Variants in CTNND2 observed in about 807,000 individuals in gnomAD.
The protein encoded by CTNND2 is catenin delta 2, also known as catenin delta-2.
In CTNND2, 22 loss-of-function variants were observed where a neutral mutation model predicts 144.4. That is an observed-to-expected ratio of 0.15 (90% CI 0.11 to 0.22). The LOEUF (loss-of-function observed/expected upper bound fraction) is 0.22, where lower values mean the gene tolerates loss of function less well. Ranked by LOEUF, CTNND2 falls within the 10% of genes least tolerant of loss-of-function variation. The pLI, the probability that CTNND2 is intolerant of heterozygous loss-of-function variation, is 1.00. For synonymous variants in CTNND2, 751 were observed against 695.6 expected (o/e 1.08, Z -1.25); for missense variants, 1,353 against 1,618.8 (o/e 0.84, Z 2.82).
intron 5 of CTNND2, among the ~76,000 whole-genome samples, chr5:11,401,225 T>TTCTGA (rs1760624301): frequency 6.6e-6 from 1 of 152,234 alleles, no homozygotes; most frequent in South Asian, 2.1e-4. Flanking sequence ...GGCCAGCTTC[T>TTCTGA]TCTGATCAGA....
At chr5:11,398,044 A>G (rs1760300036) in intron 5 of CTNND2, among the ~76,000 whole-genome samples, 2 of 152,138 alleles carry the variant, frequency 1.3e-5, no homozygotes, top group Non-Finnish European at 1.5e-5. Flanking sequence ...AGGAGAGTAA[A>G]TGTACTTGTT....
intron 2 of CTNND2, among the ~76,000 whole-genome samples, chr5:11,646,648 C>T (rs890967): frequency 4.5e-5 from 3 of 66,626 alleles, no homozygotes; most frequent in African/African-American, 3.1e-4. Flanking sequence ...AAGTAAATTT[C>T]GTTTACTTGA....
chr5:11,461,691 C>T (rs575745558), intron 3 of CTNND2, among the ~76,000 whole-genome samples: 21 of 152,228 alleles, frequency 1.4e-4, no homozygotes, highest in African/African-American at 5.1e-4. Flanking sequence ...TTTTAGGCAT[C>T]ATTCAGCCAA....
At chr5:11,890,068 A>G (rs1283569917) in intron 1 of CTNND2, among the ~76,000 whole-genome samples, 1 of 152,168 alleles carries the variant, frequency 6.6e-6, no homozygotes, top group Non-Finnish European at 1.5e-5. Flanking sequence ...TTTTGCCATT[A>G]TTCATCTATA....
intron 14 of CTNND2, 34 bp downstream of exon 14, chr5:11,110,823 GA>G (rs1752887993): frequency 6.3e-7 from 1 of 1,580,722 alleles, no homozygotes; most frequent in East Asian, 2.2e-5. Flanking sequence ...TTAGGAAGGG[GA>G]TAATTGCATG....
intron 2 of CTNND2, among the ~76,000 whole-genome samples, chr5:11,720,056 G>A (rs554044778): frequency 1.3e-5 from 2 of 152,248 alleles, no homozygotes; most frequent in African/African-American, 2.4e-5. Flanking sequence ...ACTGACAAGC[G>A]ATGGTACATC....
intron 2 of CTNND2, among the ~76,000 whole-genome samples, chr5:11,712,943 A>G (rs946682480): frequency 2.0e-5 from 3 of 152,218 alleles, no homozygotes; most frequent in African/African-American, 4.8e-5. Flanking sequence ...TTTTTTGATA[A>G]TATAGTCATT....
intron 1 of CTNND2, among the ~76,000 whole-genome samples, chr5:11,753,643 G>T (rs1040816515): frequency 6.6e-6 from 1 of 151,604 alleles, no homozygotes; most frequent in Non-Finnish European, 1.5e-5. Flanking sequence ...TTTTTTTGTT[G>T]TGTCTCTACC....
chr5:11,864,139 C>T (rs1439730473), intron 1 of CTNND2, among the ~76,000 whole-genome samples: 1 of 152,120 alleles, frequency 6.6e-6, no homozygotes, highest in Non-Finnish European at 1.5e-5. Flanking sequence ...CAGGAAGCCA[C>T]TCCCCACAAC....
Position 11,362,206 on chromosome 5 carries a change from A to G in CTNND2, c.1372+2490T>C, listed in dbSNP as rs61750686. ...CACAAAGATATTGGGAAGCAAACTTAGAATGTTTTTTTACGGCTACTGGAT... is the reference window on the plus strand; with the variant it reads ...CACAAAGATATTGGGAAGCAAACTTGGAATGTTTTTTTACGGCTACTGGAT... On this transcript the variant is annotated intron_variant, in intron 8 of 21. Transcript: ENST00000304623. Among the ~76,000 whole-genome samples the G allele has an allele frequency of 1.2e-4, 14 of 116,296 alleles. No individual in the cohort carries two copies. In the East Asian group the frequency reaches 1.9e-3, roughly 16 times the overall value. The allele number at this position is 116,296 out of a possible 152,430, so 76.3% of individuals were successfully genotyped here. A position where few individuals can be genotyped will look rare whatever the true frequency, so the allele number is the denominator to read the frequency against.
intron 2 of CTNND2, among the ~76,000 whole-genome samples, chr5:11,636,703 T>C (rs1425514809): frequency 1.3e-5 from 2 of 152,164 alleles, no homozygotes; most frequent in Non-Finnish European, 2.9e-5. Flanking sequence ...TTCTGAAACA[T>C]TAGAAAGTGT....
intron 10 of CTNND2, among the ~76,000 whole-genome samples, chr5:11,236,304 A>T (rs1349060924): frequency 6.6e-6 from 1 of 152,260 alleles, no homozygotes; most frequent in Non-Finnish European, 1.5e-5. Flanking sequence ...TATACTGACT[A>T]TAACAATTTT....
chr5:11,162,239 G>A (rs1364675927), intron 11 of CTNND2, among the ~76,000 whole-genome samples: 5 of 152,054 alleles, frequency 3.3e-5, no homozygotes, highest in African/African-American at 4.8e-5. Context: ...AAAATCTCAA[G>A]GCTTTCTATG....
chr5:11,614,504 C>T (rs1304984923), intron 2 of CTNND2, among the ~76,000 whole-genome samples: 2 of 152,110 alleles, frequency 1.3e-5, no homozygotes, highest in African/African-American at 2.4e-5. Context: ...TTGGCATTAG[C>T]GTATTAAGAT....
chr5:11,432,397 G>A (rs1395441814), intron 3 of CTNND2, among the ~76,000 whole-genome samples: 2 of 152,100 alleles, frequency 1.3e-5, no homozygotes, highest in Admixed American at 6.5e-5. Flanking sequence ...TGGCAGAATG[G>A]AGGGAAATCC....
intron 3 of CTNND2, among the ~76,000 whole-genome samples, chr5:11,552,043 C>T (rs768284627): frequency 6.6e-6 from 1 of 152,168 alleles, no homozygotes; most frequent in African/African-American, 2.4e-5. Flanking sequence ...GTGCTGAACC[C>T]GAACCTGAGC....
chr5:11,471,396 G>A (rs1235709622), intron 3 of CTNND2, among the ~76,000 whole-genome samples: 2 of 152,064 alleles, frequency 1.3e-5, no homozygotes, highest in African/African-American at 2.4e-5. Flanking sequence ...CTTTTCTGCT[G>A]AATTAAAAAA....
At chr5:11,183,480 C>T (rs1046688751) in intron 11 of CTNND2, among the ~76,000 whole-genome samples, 1 of 152,058 alleles carries the variant, frequency 6.6e-6, no homozygotes, top group African/African-American at 2.4e-5. Flanking sequence ...TCGACACTCT[C>T]CAGCTAGCGG....
At position 11,903,711 on chromosome 5, in the gene CTNND2, G is replaced by A; in HGVS notation, c.37+106C>T. ...AAACCCCGCAGCAGCCGCCGCCGCC[G>A]CCTGCCGGCCGGGAGCCCAGGACCA... On this transcript the variant is annotated intron_variant, in intron 1 of 21. Transcript: ENST00000304623. This position sits in a 1 kb window ranked among gnomAD's most constrained non-coding sequence, Gnocchi z 5.4. 1.7e-6 allele frequency: 2 copies of A among 1,182,196 alleles called. No homozygotes were observed. The highest frequency in any genetic ancestry group is 2.2e-6 in the Non-Finnish European group (2 of 900,474). The allele number at this position is 1,182,196 out of a possible 1,614,324, so 73.2% of individuals were successfully genotyped here.
Sources: gnomAD v4.1 joint callset for allele counts (sites outside exome capture counted in the v4.1 genomes callset) on GRCh38, gnomAD v4.1.1 for gene constraint, Gnocchi (gnomAD v3.1) non-coding constraint, MANE v1.5 for transcripts, NCBI Gene and HGNC (gene_info 2026-07-23, HGNC 2026-07-21) for gene names.